The following SLC39A11 variants were observed in gnomAD, a reference collection of about 807,000 sequenced individuals.
SLC39A11 encodes zinc transporter ZIP11.
In SLC39A11, 33 loss-of-function variants were observed where a neutral mutation model predicts 36.1. The ratio of observed to expected loss-of-function variants is 0.91; its 90% CI spans 0.69 to 1.22. SLC39A11 has a LOEUF of 1.22. SLC39A11 is among the 50% of genes most tolerant of loss of function. The pLI, the probability that SLC39A11 is intolerant of heterozygous loss-of-function variation, is 0.00. For missense variants in SLC39A11, 432 were observed against 430.3 expected (o/e 1.00, Z -0.03); for synonymous variants, 166 against 170.3 (o/e 0.97, Z 0.20).
At chr17:72,672,336 C>T (rs1204312705) in intron 7 of SLC39A11, among the ~76,000 whole-genome samples, 2 of 152,082 alleles carry the variant, frequency 1.3e-5, no homozygotes, top group African/African-American at 2.4e-5. Context: ...CTAGTCCCAG[C>T]TATTTGGGAG....
chr17:72,716,916 C>G (rs892653545), intron 7 of SLC39A11, among the ~76,000 whole-genome samples: 1 of 147,870 alleles, frequency 6.8e-6, no homozygotes, highest in Non-Finnish European at 1.5e-5. Context: ...TTACAGTGAG[C>G]CAAGACGATG....
chr17:72,750,372 G>A (rs1166568280), intron 6 of SLC39A11, among the ~76,000 whole-genome samples: 4 of 148,216 alleles, frequency 2.7e-5, no homozygotes, highest in Admixed American at 6.7e-5. Context: ...CCCACAGGCC[G>A]TACATGGGCA....
intron 5 of SLC39A11, among the ~76,000 whole-genome samples, chr17:72,908,967 A>C (rs1055321427): frequency 6.6e-6 from 1 of 152,256 alleles, no homozygotes; most frequent in South Asian, 2.1e-4. Flanking sequence ...AGATTAACCA[A>C]CAACATCCAC....
At chr17:72,671,589 T>C (rs975419759) in intron 7 of SLC39A11, among the ~76,000 whole-genome samples, 2 of 152,050 alleles carry the variant, frequency 1.3e-5, no homozygotes, top group African/African-American at 4.8e-5. Flanking sequence ...GGCATGGTGG[T>C]GGATGCCTGT....
At chr17:72,812,216 A>G (rs942930678) in intron 6 of SLC39A11, among the ~76,000 whole-genome samples, 2 of 152,184 alleles carry the variant, frequency 1.3e-5, no homozygotes, top group Non-Finnish European at 2.9e-5. Context: ...GTAACCAGAG[A>G]TCCTTTCGGA....
intron 6 of SLC39A11, among the ~76,000 whole-genome samples, chr17:72,841,228 G>A (rs779807294): frequency 1.3e-5 from 2 of 152,142 alleles, no homozygotes; most frequent in Non-Finnish European, 1.5e-5. Flanking sequence ...CAAAAAGAAC[G>A]CAGTATAGAA....
intron 7 of SLC39A11, among the ~76,000 whole-genome samples, chr17:72,705,100 C>T (rs761695597): frequency 9.9e-5 from 15 of 152,188 alleles, no homozygotes; most frequent in Non-Finnish European, 2.1e-4. Context: ...ACCAGCATCC[C>T]AGACTCTTCA....
chr17:73,047,892 C>A (rs139697057), intron 3 of SLC39A11, among the ~76,000 whole-genome samples: 8 of 140,768 alleles, frequency 5.7e-5, no homozygotes, highest in Admixed American at 1.5e-4. Context: ...CGCTTGAACC[C>A]AGGAGGCAGA....
At chr17:73,053,249 T>C (rs2059566489) in intron 3 of SLC39A11, among the ~76,000 whole-genome samples, 1 of 152,042 alleles carries the variant, frequency 6.6e-6, no homozygotes, top group African/African-American at 2.4e-5. Flanking sequence ...TTCTTTTTTT[T>C]TTTTAATTAT....
rs569100122 is a variant in SLC39A11 at position 72,846,018 on chromosome 17, C to CTTTTTTTTTTTTTTTTTTTTTTT, written c.601+3593_601+3615dup. ...CCAATGAATCTCTCTCTCTCTCTCT[C>CTTTTTTTTTTTTTTTTTTTTTTT]TTTTTTTTTTTTTTTTTTTTTTTTT... On this transcript the variant is annotated intron_variant, in intron 6 of 9. Transcript: ENST00000255559. Among the ~76,000 whole-genome samples, 16 of 57,956 alleles carry CTTTTTTTTTTTTTTTTTTTTTTT rather than the reference C, an allele frequency of 2.8e-4. 3 individuals are homozygous for CTTTTTTTTTTTTTTTTTTTTTTT. The highest frequency in any genetic ancestry group is 1.2e-3 in the African/African-American group (14 of 11,710). The allele number at this position is 57,956 out of a possible 152,430, so 38.0% of individuals were successfully genotyped here. A position where few individuals can be genotyped will look rare whatever the true frequency, so the allele number is the denominator to read the frequency against.
At chr17:72,862,178 C>T (rs2080074793) in intron 5 of SLC39A11, among the ~76,000 whole-genome samples, 1 of 151,998 alleles carries the variant, frequency 6.6e-6, no homozygotes, top group African/African-American at 2.4e-5. Context: ...CCAAGATGCC[C>T]AAGAGACTTA....
intron 3 of SLC39A11, chr17:73,067,876 T>C (rs2060043601): frequency 2.5e-6 from 4 of 1,607,000 alleles, no homozygotes; most frequent in South Asian, 1.1e-5. Context: ...TTCATCCCCA[T>C]GCCTGAGACT....
intron 4 of SLC39A11, among the ~76,000 whole-genome samples, chr17:72,977,887 G>A (rs1394076038): frequency 6.6e-6 from 1 of 152,204 alleles, no homozygotes; most frequent in African/African-American, 2.4e-5. Context: ...GAGAGCGAAG[G>A]TGCCCAGGAG....
At chr17:72,976,578 C>T (rs776412311) in intron 4 of SLC39A11, among the ~76,000 whole-genome samples, 1 of 152,136 alleles carries the variant, frequency 6.6e-6, no homozygotes, top group Non-Finnish European at 1.5e-5. Flanking sequence ...TGGCCGGGCG[C>T]GGTGGCTCAC....
At chr17:72,952,780 G>A (rs2085959934) in intron 4 of SLC39A11, among the ~76,000 whole-genome samples, 1 of 152,112 alleles carries the variant, frequency 6.6e-6, no homozygotes, top group South Asian at 2.1e-4. Flanking sequence ...ATCCTTCTTA[G>A]GGCAAACACG....
chr17:73,027,837 A>G (rs2058610882), intron 4 of SLC39A11, among the ~76,000 whole-genome samples: 1 of 152,152 alleles, frequency 6.6e-6, no homozygotes, highest in Admixed American at 6.5e-5. Flanking sequence ...CTGCTGCAGA[A>G]TCCTTCAAGC....
At chr17:72,903,459 A>G (rs919113645) in intron 5 of SLC39A11, among the ~76,000 whole-genome samples, 2 of 152,086 alleles carry the variant, frequency 1.3e-5, no homozygotes, top group African/African-American at 4.8e-5. Context: ...AGACATAAGA[A>G]AAATAATCAA....
At chr17:72,672,214 T>G (rs2144183917) in intron 7 of SLC39A11, among the ~76,000 whole-genome samples, 1 of 152,310 alleles carries the variant, frequency 6.6e-6, no homozygotes, top group South Asian at 2.1e-4. Flanking sequence ...TCTGGGAGGC[T>G]GAGGTGGGTG....
At chr17:72,873,498 G>A (rs1305461756) in intron 5 of SLC39A11, among the ~76,000 whole-genome samples, 2 of 152,140 alleles carry the variant, frequency 1.3e-5, no homozygotes, top group East Asian at 3.8e-4. Flanking sequence ...TTTCTCTTCT[G>A]CAACTCTTGC....
Sources: allele counts gnomAD v4.1 joint callset (sites outside exome capture counted in the v4.1 genomes callset), GRCh38; gene constraint gnomAD v4.1.1; transcripts MANE v1.5; gene names NCBI Gene and HGNC (gene_info 2026-07-23, HGNC 2026-07-21).